Variants in GPHN observed in about 807,000 individuals in gnomAD.
GPHN encodes the protein gephyrin.
Under a neutral mutation model 95.5 loss-of-function variants are expected in GPHN, and 17 were observed. That is an observed-to-expected ratio of 0.18 (90% CI 0.12 to 0.27). GPHN has a LOEUF of 0.27. Ranked by LOEUF, GPHN falls within the 10% of genes least tolerant of loss-of-function variation. GPHN has a pLI of 1.00. For synonymous variants in GPHN, 320 were observed against 322.5 expected, an observed-to-expected ratio of 0.99 and a Z score of 0.08; for missense variants, 660 against 978.1, an observed-to-expected ratio of 0.67 and a Z score of 4.34.
intron 1 of GPHN, among the ~76,000 whole-genome samples, chr14:66,629,180 CAT>C (rs903967500): frequency 2.7e-5 from 3 of 111,818 alleles, no homozygotes; most frequent in Non-Finnish European, 5.3e-5. Flanking sequence ...TATATATATA[CAT>C]ATATAAATAT....
the GPHN span, among the ~76,000 whole-genome samples, chr14:67,631,712 G>A: frequency 2.0e-5 from 3 of 152,036 alleles, no homozygotes; most frequent in Non-Finnish European, 4.4e-5. Flanking sequence ...GATTACAGGT[G>A]TGAGCCACTG....
intron 1 of GPHN, among the ~76,000 whole-genome samples, chr14:66,669,924 C>A (rs2066206475): frequency 6.6e-6 from 1 of 152,226 alleles, no homozygotes; most frequent in African/African-American, 2.4e-5. Context: ...TCTAGCATCT[C>A]TGCTGCCTTG....
the GPHN span, chr14:67,725,010 G>T: frequency 1.4e-6 from 2 of 1,410,008 alleles, no homozygotes; most frequent in African/African-American, 1.4e-5. Context: ...GAGAATGAAT[G>T]CTCTGTCCCC....
intron 1 of GPHN, among the ~76,000 whole-genome samples, chr14:66,618,333 C>T (rs980351576): frequency 1.3e-5 from 2 of 152,138 alleles, no homozygotes; most frequent in African/African-American, 4.8e-5. Flanking sequence ...CTGTGTCTAC[C>T]TCCCAAAGTG....
intron 8 of GPHN, among the ~76,000 whole-genome samples, chr14:66,925,845 A>G (rs987759480): frequency 4.6e-5 from 7 of 152,158 alleles, no homozygotes; most frequent in African/African-American, 1.4e-4. Flanking sequence ...CATAGTGGCT[A>G]TGCCAATTTA....
At chr14:66,972,819 T>C (rs1391973958) in intron 9 of GPHN, among the ~76,000 whole-genome samples, 1 of 152,138 alleles carries the variant, frequency 6.6e-6, no homozygotes, top group African/African-American at 2.4e-5. Flanking sequence ...ACTAGCTTTT[T>C]TAAAAAGAAA....
the GPHN span, among the ~76,000 whole-genome samples, chr14:67,627,999 CT>C: frequency 6.6e-6 from 1 of 152,098 alleles, no homozygotes; most frequent in African/African-American, 2.4e-5. Flanking sequence ...TTTATATTTC[CT>C]TTAGAGATCT....
intron 8 of GPHN, among the ~76,000 whole-genome samples, chr14:66,933,171 A>G (rs1282103437): frequency 6.6e-6 from 1 of 152,252 alleles, no homozygotes; most frequent in Non-Finnish European, 1.5e-5. Flanking sequence ...CAAAGAGTAT[A>G]ATGTTGTTCT....
the GPHN span, among the ~76,000 whole-genome samples, chr14:67,710,262 C>T: frequency 6.6e-6 from 1 of 152,166 alleles, no homozygotes; most frequent in Non-Finnish European, 1.5e-5. Context: ...TCTAAATTAA[C>T]TGAGACCTGT....
chr14:66,597,939 T>C (rs531269371), intron 1 of GPHN, among the ~76,000 whole-genome samples: 49 of 152,306 alleles, frequency 3.2e-4, no homozygotes, highest in African/African-American at 1.2e-3. Context: ...CAGTGAAATA[T>C]CATTCACCCT....
chr14:66,759,566 TG>T (rs775446059), intron 2 of GPHN, among the ~76,000 whole-genome samples: 2 of 152,246 alleles, frequency 1.3e-5, no homozygotes, highest in African/African-American at 4.8e-5. Context: ...TGCTCTTTTT[TG>T]TTTTCCATTT....
chr14:66,529,894 GTGTC>G (rs902952491), intron 1 of GPHN, among the ~76,000 whole-genome samples: 2 of 152,170 alleles, frequency 1.3e-5, no homozygotes, highest in African/African-American at 4.8e-5. Context: ...CCTGTATGAG[GTGTC>G]TGTCGACCCC....
intron 8 of GPHN, among the ~76,000 whole-genome samples, chr14:66,934,453 A>G (rs763588901): frequency 9.2e-5 from 14 of 152,282 alleles, no homozygotes; most frequent in Non-Finnish European, 7.4e-5. Context: ...TTTGGGTGGA[A>G]TTGATTAAAC....
the GPHN span, among the ~76,000 whole-genome samples, chr14:67,264,389 G>C: frequency 6.6e-6 from 1 of 151,902 alleles, no homozygotes; most frequent in Non-Finnish European, 1.5e-5. Context: ...AATCTCATTC[G>C]TCTGTTTTTG....
intron 1 of GPHN, among the ~76,000 whole-genome samples, chr14:66,677,798 A>T (rs537853961): frequency 1.3e-5 from 2 of 152,232 alleles, no homozygotes; most frequent in East Asian, 3.9e-4. Context: ...AGTTGGACCA[A>T]ATATGTTCTG....
At chr14:66,694,812 G>A (rs568570520) in intron 2 of GPHN, among the ~76,000 whole-genome samples, 4 of 152,162 alleles carry the variant, frequency 2.6e-5, no homozygotes, top group Non-Finnish European at 4.4e-5. Context: ...ATCTGATAAT[G>A]TACTATTACT....
chr14:67,549,275 T>G, the GPHN span, among the ~76,000 whole-genome samples: 1 of 147,412 alleles, frequency 6.8e-6, no homozygotes. Context: ...GATTTTTAAT[T>G]TTTTTTTTTT....
At chr14:66,930,764 G>A (rs983665366) in intron 8 of GPHN, among the ~76,000 whole-genome samples, 4 of 151,980 alleles carry the variant, frequency 2.6e-5, no homozygotes, top group South Asian at 2.1e-4. Context: ...GGGCTCAAGC[G>A]ATCCACCCAC....
At chr14:66,882,551 T>C (rs979686713) in intron 5 of GPHN, among the ~76,000 whole-genome samples, 1 of 151,862 alleles carries the variant, frequency 6.6e-6, no homozygotes, top group Non-Finnish European at 1.5e-5. Flanking sequence ...ACAGATTGCT[T>C]GTGTTCTATG....
Sources: allele counts gnomAD v4.1 joint callset (sites outside exome capture counted in the v4.1 genomes callset), GRCh38; gene constraint gnomAD v4.1.1; transcripts MANE v1.5; gene names NCBI Gene and HGNC (gene_info 2026-07-23, HGNC 2026-07-21).